The following LIN52 variants were observed in gnomAD, a reference collection of about 807,000 sequenced individuals.
LIN52 encodes protein lin-52 homolog.
A neutral mutation model predicts 18.5 loss-of-function variants in LIN52; 4 were observed. The ratio of observed to expected loss-of-function variants is 0.22; its 90% CI spans 0.11 to 0.49. The LOEUF (loss-of-function observed/expected upper bound fraction) is 0.49, where lower values mean the gene tolerates loss of function less well. Ranked by LOEUF, LIN52 falls within the 20% of genes least tolerant of loss-of-function variation. The probability of loss-of-function intolerance (pLI) is 0.97; values close to 1 mark genes in which losing one functional copy is unlikely to be tolerated. For synonymous variants in LIN52, 34 were observed against 45.5 expected, an observed-to-expected ratio of 0.75 and a Z score of 1.02; for missense variants, 102 against 139.5, an observed-to-expected ratio of 0.73 and a Z score of 1.35.
In LIN52 at chr14:74,145,505, G is replaced by A. The variant is rs1056872652; in HGVS notation, c.283+44267G>A. 5.3e-5 allele frequency among the ~76,000 whole-genome samples: 8 copies of A among 152,166 alleles called. No individual in the cohort carries two copies. In the East Asian group the frequency reaches 1.3e-3, roughly 26 times the overall value. On this transcript the variant is annotated intron_variant, in intron 5 of 5. Coordinates refer to ENST00000555028, the MANE Select transcript of LIN52 (RefSeq NM_001024674.3). ...TCTATGGAATCCTTACATAATCAAG[G>A]ATGTACCTCTTCTAAAGCTGCCTGT...
intron 1 of LIN52, 96 bp downstream of exon 1, chr14:74,085,089 C>T: frequency 8.9e-7 from 1 of 1,121,350 alleles, no homozygotes; most frequent in Non-Finnish European, 1.2e-6. Flanking sequence ...ACATTTCTTT[C>T]TTGGGCTCTT....
At chr14:74,088,124 T>A (rs1343992588) in intron 1 of LIN52, among the ~76,000 whole-genome samples, 2 of 152,086 alleles carry the variant, frequency 1.3e-5, no homozygotes, top group Admixed American at 6.6e-5. Flanking sequence ...GGAGTCTCAC[T>A]CTGTCACCCA....
intron 5 of LIN52, among the ~76,000 whole-genome samples, chr14:74,194,797 G>T (rs1453589303): frequency 6.6e-6 from 1 of 152,316 alleles, no homozygotes; most frequent in Middle Eastern, 3.4e-3. Context: ...AATGGAAGCG[G>T]TGTTGCCTTC....
chr14:74,135,163 C>G (rs928072885), intron 5 of LIN52, among the ~76,000 whole-genome samples: 8 of 152,176 alleles, frequency 5.3e-5, no homozygotes, highest in African/African-American at 1.9e-4. Flanking sequence ...TTCCCGGGTT[C>G]AAGCGATTCC....
chr14:74,101,104 A>G (rs374818493), intron 4 of LIN52, 51 bp from the exon 5 acceptor site: 1 of 1,454,326 alleles, frequency 6.9e-7, no homozygotes, highest in South Asian at 1.2e-5. Context: ...GGAAGTTGCT[A>G]CTAGAGAAGA....
chr14:74,196,465 A>G (rs573504675), intron 5 of LIN52, among the ~76,000 whole-genome samples: 2 of 152,216 alleles, frequency 1.3e-5, no homozygotes, highest in Non-Finnish European at 2.9e-5. Flanking sequence ...TATTCTCTCC[A>G]GAAGACTTTT....
chr14:74,163,654 C>G (rs1463211979), intron 5 of LIN52, among the ~76,000 whole-genome samples: 1 of 152,012 alleles, frequency 6.6e-6, no homozygotes, highest in Non-Finnish European at 1.5e-5. Flanking sequence ...TAAGAGCCCT[C>G]AAGGAGAGAA....
At chr14:74,198,302 A>G (rs2078927246) in intron 5 of LIN52, among the ~76,000 whole-genome samples, 1 of 152,222 alleles carries the variant, frequency 6.6e-6, no homozygotes, top group African/African-American at 2.4e-5. Context: ...TGAAAGCCGG[A>G]GAAAGACACA....
chr14:74,138,574 G>A (rs975656374), intron 5 of LIN52, among the ~76,000 whole-genome samples: 1 of 152,072 alleles, frequency 6.6e-6, no homozygotes, highest in Non-Finnish European at 1.5e-5. Context: ...ACAGCATAGC[G>A]AGTCTCCATC....
chr14:74,094,573 G>A (rs2060794987), intron 2 of LIN52, among the ~76,000 whole-genome samples: 1 of 151,980 alleles, frequency 6.6e-6, no homozygotes, highest in Non-Finnish European at 1.5e-5. Context: ...TCTAGTTTTT[G>A]ACTTTACAGA....
At position 74,192,272 on chromosome 14, in the gene LIN52, T is replaced by TTTTTTG. The variant is rs1433260735; in HGVS notation, c.284-6632_284-6627dup. On this transcript the variant is annotated intron_variant, in intron 5 of 5. Coordinates refer to ENST00000555028, the MANE Select transcript of LIN52 (RefSeq NM_001024674.3). ...GAAGCAAGACTGAGAACAGTGGTTGTTTTTTGTTTTTGTTTTTGTTTTTTG... is the reference window on the plus strand; with the variant it reads ...GAAGCAAGACTGAGAACAGTGGTTGTTTTTTGTTTTTGTTTTTGTTTTTGTTTTTTG... Among the ~76,000 whole-genome samples the TTTTTTG allele has an allele frequency of 3.3e-5, 5 of 151,914 alleles. No individual in the cohort carries two copies. In the East Asian group the frequency reaches 9.7e-4, roughly 30 times the overall value.
At chr14:74,110,495 A>G (rs2060919537) in intron 5 of LIN52, among the ~76,000 whole-genome samples, 1 of 152,156 alleles carries the variant, frequency 6.6e-6, no homozygotes, top group African/African-American at 2.4e-5. Context: ...CCTGGCCAAC[A>G]TGGTAAAACC....
chr14:74,107,403 G>A (rs1174570987), intron 5 of LIN52, among the ~76,000 whole-genome samples: 1 of 151,640 alleles, frequency 6.6e-6, no homozygotes, highest in African/African-American at 2.4e-5. Context: ...CTCTCTTTCT[G>A]GAATACTTCC....
intron 5 of LIN52, among the ~76,000 whole-genome samples, chr14:74,184,085 G>A (rs919867025): frequency 2.0e-5 from 3 of 152,230 alleles, no homozygotes; most frequent in African/African-American, 4.8e-5. Context: ...TGGGTTGTTT[G>A]TCTGATAGGA....
At chr14:74,141,499 A>G (rs566202991) in intron 5 of LIN52, among the ~76,000 whole-genome samples, 1 of 152,248 alleles carries the variant, frequency 6.6e-6, no homozygotes, top group Non-Finnish European at 1.5e-5. Flanking sequence ...AAGCCTTACC[A>G]TACAAGCAGG....
At chr14:74,140,863 C>G (rs766951632) in intron 5 of LIN52, among the ~76,000 whole-genome samples, 37 of 152,142 alleles carry the variant, frequency 2.4e-4, no homozygotes, top group Admixed American at 7.9e-4. Context: ...CTGGTTGGCA[C>G]TTGTGGATTG....
At chr14:74,154,788 G>C (rs563838548) in intron 5 of LIN52, among the ~76,000 whole-genome samples, 6 of 152,216 alleles carry the variant, frequency 3.9e-5, no homozygotes, top group African/African-American at 1.4e-4. Context: ...TTAGTTACTA[G>C]TGTAAGATGA....
At position 74,085,066 on chromosome 14, in the gene LIN52, G is replaced by T. The variant is rs147279776; in HGVS notation, c.19+73G>T. 3,249 of 1,250,074 alleles carry T rather than the reference G, an allele frequency of 2.6e-3. 4 individuals are homozygous for T. Among genetic ancestry groups the T allele is most frequent in the Non-Finnish European group, 3.1e-3 (2,977 of 958,502 alleles). 77.4% of individuals were successfully genotyped at this position (1,250,074 alleles called of 1,614,324 possible). ...TACTGGGAACATCCACTCTGTCTCT[G>T]CCCCTCGAACATACATTTCTTTCTT... is the stretch of plus-strand genomic sequence containing the variant. On this transcript the variant is annotated intron_variant, in intron 1 of 5. Coordinates refer to ENST00000555028, the MANE Select transcript of LIN52 (RefSeq NM_001024674.3).
chr14:74,130,296 T>TG (rs2061057551), intron 5 of LIN52, among the ~76,000 whole-genome samples: 1 of 143,276 alleles, frequency 7.0e-6, no homozygotes, highest in East Asian at 2.0e-4. Context: ...TTTTTTTTTT[T>TG]GAGACAGTCT....
Sources: gnomAD v4.1 joint callset for allele counts (sites outside exome capture counted in the v4.1 genomes callset) on GRCh38, gnomAD v4.1.1 for gene constraint, MANE v1.5 for transcripts, NCBI Gene and HGNC (gene_info 2026-07-23, HGNC 2026-07-21) for gene names.